The following DMXL2 variants were observed in gnomAD, a reference collection of about 807,000 sequenced individuals.
The protein encoded by DMXL2 is Dmx like 2.
A neutral mutation model predicts 331.1 loss-of-function variants in DMXL2; 103 were observed. The ratio of observed to expected loss-of-function variants is 0.31; its 90% CI spans 0.27 to 0.37. The LOEUF is 0.37. Ranked by LOEUF, DMXL2 falls within the 10% of genes least tolerant of loss-of-function variation. DMXL2 has a pLI of 1.00. For synonymous variants in DMXL2, 1,281 were observed against 1,252.1 expected (o/e 1.02, Z -0.49); for missense variants, 3,171 against 3,642.9 (o/e 0.87, Z 3.33).
intron 42 of DMXL2, 91 bp from the exon 43 acceptor site, chr15:51,450,437 C>CT: frequency 1.3e-5 from 15 of 1,190,130 alleles, no homozygotes; most frequent in Non-Finnish European, 1.8e-5. Flanking sequence ...ACAGACCTTA[C>CT]TGATGCATTT....
rs566832141 is a variant in DMXL2, at chr15:51,622,688, C to G, written c.-143G>C. On this transcript the variant is annotated 5_prime_UTR_variant, in exon 1 of 44. Coordinates refer to ENST00000560891, the MANE Select transcript of DMXL2 (RefSeq NM_001378457.1). ...GGCTCTGGCTTAACTCCTCGCCCCC[C>G]TTTCGCCTTCCCTCCGCCTCGTCCC... The G allele has an allele frequency of 1.1e-5, 15 of 1,408,100 alleles. No homozygotes were observed. In the East Asian group the frequency reaches 1.1e-4, roughly 10 times the overall value. The allele number at this position is 1,408,100 out of a possible 1,614,324, so 87.2% of individuals were successfully genotyped here.
chr15:51,528,771 ATTTACAGAACAT>A (rs534270192), intron 13 of DMXL2, among the ~76,000 whole-genome samples: 71 of 151,672 alleles, frequency 4.7e-4, no homozygotes, highest in Admixed American at 8.5e-4. Context: ...AACAATAGAT[ATTTACAGAACAT>A]TTCATCCAAC....
intron 1 of DMXL2, among the ~76,000 whole-genome samples, chr15:51,621,913 T>G (rs2054655758): frequency 6.6e-6 from 1 of 152,172 alleles, no homozygotes; most frequent in African/African-American, 2.4e-5. Flanking sequence ...GGAATTAAGA[T>G]CCTGCATTAT....
rs1222955490 is a variant in DMXL2 at position 51,547,169 on chromosome 15, T to C, written c.746+61A>G. 3 of 1,415,914 alleles carry C rather than the reference T, an allele frequency of 2.1e-6. No homozygotes were observed. In the East Asian group the frequency reaches 7.7e-5, roughly 36 times the overall value. The allele number at this position is 1,415,914 out of a possible 1,614,324, so 87.7% of individuals were successfully genotyped here. On this transcript the variant is annotated intron_variant, in intron 7 of 43. Coordinates refer to ENST00000560891, the MANE Select transcript of DMXL2 (RefSeq NM_001378457.1). ...ACCATGTAAATAAAAGGACTTTATT[T>C]TCATTATTTTTATAAACATTTAAGG...
chr15:51,564,346 T>C (rs2050143092), intron 4 of DMXL2, 86 bp from the exon 5 acceptor site: 1 of 1,012,064 alleles, frequency 9.9e-7, no homozygotes, highest in East Asian at 3.2e-5. Context: ...ATCTGTAAAC[T>C]ATTAATATTA....
chr15:51,609,203 A>G (rs1461288570), intron 1 of DMXL2, among the ~76,000 whole-genome samples: 3 of 152,270 alleles, frequency 2.0e-5, no homozygotes, highest in Non-Finnish European at 4.4e-5. Flanking sequence ...ATTCATTTCA[A>G]AAGACACAAG....
intron 16 of DMXL2, among the ~76,000 whole-genome samples, chr15:51,503,771 C>T (rs1000030974): frequency 1.3e-5 from 2 of 151,980 alleles, no homozygotes; most frequent in Admixed American, 6.6e-5. Flanking sequence ...TCCTAAATAC[C>T]ATGATATGAT....
At chr15:51,462,875 CCTCTGT>C (rs1566983828) in intron 33 of DMXL2, among the ~76,000 whole-genome samples, 7 of 152,160 alleles carry the variant, frequency 4.6e-5, no homozygotes. Context: ...CAATGCAGAA[CCTCTGT>C]CTTGCTTTGT....
intron 1 of DMXL2, among the ~76,000 whole-genome samples, chr15:51,597,705 T>A (rs2052926593): frequency 1.3e-5 from 2 of 152,210 alleles, no homozygotes; most frequent in Non-Finnish European, 2.9e-5. Flanking sequence ...AATTTTGGCA[T>A]TAATGCTAAA....
intron 40 of DMXL2, among the ~76,000 whole-genome samples, chr15:51,454,695 C>CCAGGTTGGT (rs1319961181): frequency 6.6e-6 from 1 of 152,114 alleles, no homozygotes; most frequent in Non-Finnish European, 1.5e-5. Flanking sequence ...GGGGGTTTCA[C>CCAGGTTGGT]CAGGTTGGTC....
chr15:51,518,633 C>A (rs2047170980), intron 13 of DMXL2, among the ~76,000 whole-genome samples: 1 of 152,184 alleles, frequency 6.6e-6, no homozygotes, highest in African/African-American at 2.4e-5. Flanking sequence ...TGGCTGCACA[C>A]TGAATCACCT....
chr15:51,508,581 C>T (rs1408760568), intron 15 of DMXL2, among the ~76,000 whole-genome samples: 1 of 152,156 alleles, frequency 6.6e-6, no homozygotes, highest in East Asian at 1.9e-4. Context: ...TATATGAGTA[C>T]TTCTCTGTAT....
chr15:51,607,213 T>C (rs906923126), intron 1 of DMXL2, among the ~76,000 whole-genome samples: 21 of 151,564 alleles, frequency 1.4e-4, no homozygotes, highest in African/African-American at 4.1e-4. Flanking sequence ...TCCCAGCACT[T>C]TGGGAGGCCG....
intron 1 of DMXL2, among the ~76,000 whole-genome samples, chr15:51,606,186 T>G (rs910129101): frequency 2.6e-5 from 4 of 152,100 alleles, no homozygotes; most frequent in African/African-American, 9.7e-5. Context: ...AACACACTTA[T>G]AGAGATTTTG....
At chr15:51,465,768 T>C (rs2040515689) in intron 30 of DMXL2, 117 bp from the exon 31 acceptor site, 6 of 755,184 alleles carry the variant, frequency 7.9e-6, no homozygotes, top group Non-Finnish European at 1.3e-5. Flanking sequence ...AAAGCTGTCA[T>C]TGAAATTTAC....
chr15:51,542,042 C>T (rs1567092804), intron 9 of DMXL2, among the ~76,000 whole-genome samples: 1 of 152,068 alleles, frequency 6.6e-6, no homozygotes, highest in Non-Finnish European at 1.5e-5. Flanking sequence ...ACCAGGCTGC[C>T]ACCACTTGTG....
At chr15:51,611,044 GA>G (rs1434934434) in intron 1 of DMXL2, among the ~76,000 whole-genome samples, 2 of 151,788 alleles carry the variant, frequency 1.3e-5, no homozygotes, top group Non-Finnish European at 2.9e-5. Context: ...AGACAAAAAT[GA>G]GCTAAGCATT....
intron 1 of DMXL2, among the ~76,000 whole-genome samples, chr15:51,588,946 A>T (rs551313913): frequency 6.6e-6 from 1 of 152,338 alleles, no homozygotes; most frequent in East Asian, 1.9e-4. Context: ...AGTCTCCAAA[A>T]GATTAAATAA....
At chr15:51,455,290 TGGAA>T (rs1423420209) in intron 39 of DMXL2, 62 bp from the exon 40 acceptor site, 16 of 1,376,172 alleles carry the variant, frequency 1.2e-5, no homozygotes, top group Admixed American at 5.0e-5. Context: ...GGTAAAAACA[TGGAA>T]GGAAGATTCA....
Sources: gnomAD v4.1 joint callset for allele counts (sites outside exome capture counted in the v4.1 genomes callset) on GRCh38, gnomAD v4.1.1 for gene constraint, MANE v1.5 for transcripts, NCBI Gene and HGNC (gene_info 2026-07-23, HGNC 2026-07-21) for gene names.